PRKN: variants seen among roughly 807,000 people sequenced by gnomAD.
The protein encoded by PRKN is E3 ubiquitin-protein ligase parkin.
In PRKN, 56 loss-of-function variants were observed where a neutral mutation model predicts 59.5. That is an observed-to-expected ratio of 0.94 (90% CI 0.76 to 1.18). PRKN has a LOEUF of 1.18. Among genes scored for constraint, PRKN ranks in the 50% most tolerant of loss-of-function variants. The probability of loss-of-function intolerance (pLI) is 0.00; values close to 1 mark genes in which losing one functional copy is unlikely to be tolerated. For synonymous variants in PRKN, 250 were observed against 222.1 expected (o/e 1.13, Z -1.12); for missense variants, 657 against 596.4 (o/e 1.10, Z -1.06).
chr6:161,635,832 C>T (rs1445909686), intron 7 of PRKN, among the ~76,000 whole-genome samples: 1 of 152,144 alleles, frequency 6.6e-6, no homozygotes, highest in East Asian at 1.9e-4. Flanking sequence ...AACGCACTTC[C>T]CTAGACAATC....
At chr6:161,775,397 C>T (rs1206778630) in intron 7 of PRKN, among the ~76,000 whole-genome samples, 1 of 151,624 alleles carries the variant, frequency 6.6e-6, no homozygotes, top group African/African-American at 2.4e-5. Context: ...TATGCCCCAA[C>T]ACACTGACCT....
chr6:162,541,072 G>A (rs986247329), intron 1 of PRKN, among the ~76,000 whole-genome samples: 1 of 152,122 alleles, frequency 6.6e-6, no homozygotes, highest in Non-Finnish European at 1.5e-5. Context: ...CCTGTACGAT[G>A]GAGGCCTCTC....
intron 7 of PRKN, among the ~76,000 whole-genome samples, chr6:161,671,139 G>A (rs139335697): frequency 0.036 from 5,533 of 152,220 alleles, 155 homozygotes; most frequent in Middle Eastern, 0.054. Flanking sequence ...GAGCCCGGGC[G>A]CAGATGGGAT....
intron 4 of PRKN, among the ~76,000 whole-genome samples, chr6:162,071,547 A>T (rs990789268): frequency 1.3e-5 from 2 of 152,030 alleles, no homozygotes; most frequent in African/African-American, 2.4e-5. Flanking sequence ...GGGCATGGGC[A>T]GACAGTATCT....
intron 2 of PRKN, chr6:162,265,216 A>T (rs1583287682): frequency 1.3e-5 from 2 of 152,266 alleles, no homozygotes; most frequent in Admixed American, 1.3e-4. Context: ...TATATGATAC[A>T]TGTGGCAGAT....
intron 9 of PRKN, among the ~76,000 whole-genome samples, chr6:161,415,238 A>C (rs1191973624): frequency 6.6e-6 from 1 of 152,208 alleles, no homozygotes; most frequent in Non-Finnish European, 1.5e-5. Context: ...CCATTCATGC[A>C]GAGAGGCCTC....
chr6:162,627,610 T>G (rs1298298347), intron 1 of PRKN, among the ~76,000 whole-genome samples: 2 of 151,922 alleles, frequency 1.3e-5, no homozygotes, highest in Non-Finnish European at 2.9e-5. Context: ...AGGTGAGAGA[T>G]GATGAAGGGT....
rs1788512870 is a variant in PRKN, at chr6:161,428,846, T to G, written c.1084-41969A>C. Among the ~76,000 whole-genome samples the G allele has an allele frequency of 1.3e-5, 2 of 152,210 alleles. No individual in the cohort carries two copies. The highest frequency in any genetic ancestry group is 2.9e-5 in the Non-Finnish European group (2 of 68,040). On this transcript the variant is annotated intron_variant, in intron 9 of 11. Transcript: ENST00000366898. The surrounding 1 kb of genome is among the most constrained non-coding windows in gnomAD (Gnocchi z 4.0). ...GGCAGATGACTGTGTAAGTCCTACATGGCCACCCTGCCAGTGTTTCAAGCA... is the reference window on the plus strand; with the variant it reads ...GGCAGATGACTGTGTAAGTCCTACAGGGCCACCCTGCCAGTGTTTCAAGCA...
intron 6 of PRKN, among the ~76,000 whole-genome samples, chr6:161,877,875 T>C (rs1300349642): frequency 6.6e-6 from 1 of 152,012 alleles, no homozygotes; most frequent in Non-Finnish European, 1.5e-5. Flanking sequence ...CCTTGTAAGG[T>C]CCCCTAAATT....
At chr6:162,237,609 C>G (rs187983246) in intron 3 of PRKN, among the ~76,000 whole-genome samples, 28 of 152,096 alleles carry the variant, frequency 1.8e-4, no homozygotes, top group Admixed American at 1.6e-3. Flanking sequence ...CTGTCAATCA[C>G]AAAAAGAAGG....
intron 4 of PRKN, among the ~76,000 whole-genome samples, chr6:162,116,809 T>C (rs1024183318): frequency 3.3e-5 from 5 of 152,196 alleles, no homozygotes; most frequent in Non-Finnish European, 7.3e-5. Context: ...TAGGGGAGTT[T>C]TGAGTTGACT....
At chr6:161,742,650 T>C (rs1489113974) in intron 7 of PRKN, among the ~76,000 whole-genome samples, 4 of 152,202 alleles carry the variant, frequency 2.6e-5, no homozygotes, top group Non-Finnish European at 5.9e-5. Context: ...AGTTATTGCC[T>C]TGCTCATCCC....
chr6:162,609,578 CT>C (rs1782057918), intron 1 of PRKN, among the ~76,000 whole-genome samples: 1 of 152,114 alleles, frequency 6.6e-6, no homozygotes, highest in Non-Finnish European at 1.5e-5. Context: ...CTCAAACTGC[CT>C]TTTTAGGTAA....
chr6:162,025,582 G>GTTTTTTT (rs1562468782), intron 5 of PRKN, among the ~76,000 whole-genome samples: 1 of 30,158 alleles, frequency 3.3e-5, no homozygotes, highest in African/African-American at 2.2e-4. Context: ...TATCCATGGT[G>GTTTTTTT]CTTTTTTTTT....
At chr6:161,613,994 C>A (rs1008674336) in intron 7 of PRKN, among the ~76,000 whole-genome samples, 1 of 152,160 alleles carries the variant, frequency 6.6e-6, no homozygotes, top group Admixed American at 6.5e-5. Flanking sequence ...TAGCAAATTT[C>A]AGTTTTGTAG....
chr6:162,445,054 T>G (rs1338444564), intron 1 of PRKN, among the ~76,000 whole-genome samples: 1 of 152,208 alleles, frequency 6.6e-6, no homozygotes, highest in Non-Finnish European at 1.5e-5. Flanking sequence ...CTGTGTTTCC[T>G]TTAAATGTAG....
intron 10 of PRKN, among the ~76,000 whole-genome samples, chr6:161,366,358 C>T (rs1785198473): frequency 6.6e-6 from 1 of 152,128 alleles, no homozygotes; most frequent in Non-Finnish European, 1.5e-5. Context: ...GGCCGAGGCA[C>T]ACGTGAGCCA....
chr6:162,065,278 T>A lies in PRKN; in HGVS notation c.535-11104A>T, dbSNP rs142291038. On this transcript the variant is annotated intron_variant, in intron 4 of 11. Transcript: ENST00000366898. ...GCCCCTGGCAAACCACTGGTGTAAATCTAAGAGTCCAAAGGCTGAAGAACC... is the reference window on the plus strand; with the variant it reads ...GCCCCTGGCAAACCACTGGTGTAAAACTAAGAGTCCAAAGGCTGAAGAACC... 6.0e-3 allele frequency among the ~76,000 whole-genome samples: 910 copies of A among 152,164 alleles called. 8 individuals are homozygous for A. The highest frequency in any genetic ancestry group is 0.021 in the African/African-American group (857 of 41,502).
At chr6:162,232,896 T>A (rs1778482859) in intron 3 of PRKN, among the ~76,000 whole-genome samples, 1 of 151,850 alleles carries the variant, frequency 6.6e-6, no homozygotes, top group African/African-American at 2.4e-5. Flanking sequence ...ATGCAGCTCA[T>A]TAACAGAGAT....
Sources: gnomAD v4.1 joint callset for allele counts (sites outside exome capture counted in the v4.1 genomes callset) on GRCh38, gnomAD v4.1.1 for gene constraint, Gnocchi (gnomAD v3.1) non-coding constraint, MANE v1.5 for transcripts, NCBI Gene and HGNC (gene_info 2026-07-23, HGNC 2026-07-21) for gene names.